The following ITFG1 variants were observed in gnomAD, a reference collection of about 807,000 sequenced individuals.
ITFG1 encodes T-cell immunomodulatory protein.
Under a neutral mutation model 81.8 loss-of-function variants are expected in ITFG1, and 34 were observed. That is an observed-to-expected ratio of 0.42 (90% CI 0.32 to 0.55). The LOEUF is 0.55. Among genes scored for constraint, ITFG1 ranks in the 20% least tolerant of loss-of-function variants. The pLI, the probability that ITFG1 is intolerant of heterozygous loss-of-function variation, is 0.17. For missense variants in ITFG1, 672 were observed against 755.4 expected (o/e 0.89, Z 1.29); for synonymous variants, 285 against 270.6 (o/e 1.05, Z -0.52).
intron 12 of ITFG1, among the ~76,000 whole-genome samples, chr16:47,245,919 A>AGGTGAATG (rs1218935760): frequency 6.6e-6 from 1 of 152,056 alleles, no homozygotes; most frequent in Non-Finnish European, 1.5e-5. Context: ...CTCTTTTGCA[A>AGGTGAATG]GACTATGTGG....
Position 47,235,659 on chromosome 16 carries a change from A to G in ITFG1, c.1374+2306T>C, listed in dbSNP as rs77010667. On this transcript the variant is annotated intron_variant, in intron 13 of 17. Coordinates refer to ENST00000320640, the MANE Select transcript of ITFG1 (RefSeq NM_030790.5). ...TGACAGAACACATAACCAGCAGAAGAGCTATTCAACTCATGAATTAACTCA... is the reference window on the plus strand; with the variant it reads ...TGACAGAACACATAACCAGCAGAAGGGCTATTCAACTCATGAATTAACTCA... 2.0e-3 allele frequency among the ~76,000 whole-genome samples: 309 copies of G among 152,338 alleles called. 8 individuals are homozygous for G. In the East Asian group the frequency reaches 0.05, roughly 25 times the overall value.
intron 12 of ITFG1, among the ~76,000 whole-genome samples, chr16:47,240,310 A>G (rs1237752058): frequency 6.6e-6 from 1 of 151,588 alleles, no homozygotes; most frequent in Non-Finnish European, 1.5e-5. Flanking sequence ...AAAAAAAAAA[A>G]AAAAAAAAGA....
intron 13 of ITFG1, among the ~76,000 whole-genome samples, chr16:47,222,894 G>C (rs1463471614): frequency 6.6e-6 from 1 of 152,192 alleles, no homozygotes; most frequent in African/African-American, 2.4e-5. Flanking sequence ...ATTTGGGGTG[G>C]AGAGTTCTGT....
At chr16:47,450,708 TA>T (rs1308439002) in intron 5 of ITFG1, among the ~76,000 whole-genome samples, 10 of 152,328 alleles carry the variant, frequency 6.6e-5, no homozygotes, top group African/African-American at 2.4e-4. Context: ...ACTCTTGAAC[TA>T]AACTTTACCT....
At chr16:47,289,402 T>C (rs1426603185) in intron 10 of ITFG1, among the ~76,000 whole-genome samples, 1 of 152,216 alleles carries the variant, frequency 6.6e-6, no homozygotes, top group Non-Finnish European at 1.5e-5. Context: ...TCCTAAATTT[T>C]CTGAAATACC....
chr16:47,261,904 C>A (rs1966212615), intron 10 of ITFG1, among the ~76,000 whole-genome samples: 1 of 152,144 alleles, frequency 6.6e-6, no homozygotes, highest in African/African-American at 2.4e-5. Flanking sequence ...AACTCCTGAG[C>A]TCAAGTGATC....
intron 5 of ITFG1, among the ~76,000 whole-genome samples, chr16:47,437,459 G>C (rs1476387207): frequency 7.0e-6 from 1 of 143,274 alleles, no homozygotes; most frequent in Non-Finnish European, 1.5e-5. Context: ...CAGAGTGAGA[G>C]TCCATCTCCT....
chr16:47,443,229 A>G (rs1969277898), intron 5 of ITFG1, among the ~76,000 whole-genome samples: 1 of 152,246 alleles, frequency 6.6e-6, no homozygotes, highest in Non-Finnish European at 1.5e-5. Context: ...AATGGTGATC[A>G]TTAAAAAGTC....
rs528853653 is a variant in ITFG1, at chr16:47,460,359, G to T, written c.208+479C>A. 3.9e-5 allele frequency among the ~76,000 whole-genome samples: 6 copies of T among 152,362 alleles called. No individual in the cohort carries two copies. In the South Asian group the frequency reaches 1.0e-3, roughly 26 times the overall value. ...AGAAAGGGGTGGGCGAATTAGGTAGGTGGGGAGGCAAGAAGAAGCCCCCTA... is the reference window on the plus strand; with the variant it reads ...AGAAAGGGGTGGGCGAATTAGGTAGTTGGGGAGGCAAGAAGAAGCCCCCTA... On this transcript the variant is annotated intron_variant, in intron 1 of 17. Coordinates refer to ENST00000320640, the MANE Select transcript of ITFG1 (RefSeq NM_030790.5).
rs778969721 is a variant in ITFG1, at chr16:47,451,346, T to G, written c.560+50A>C. The G allele has an allele frequency of 2.0e-5, 20 of 1,002,600 alleles. No individual in the cohort carries two copies. In the South Asian group the frequency reaches 2.7e-4, roughly 14 times the overall value. The allele number at this position is 1,002,600 out of a possible 1,614,324, so 62.1% of individuals were successfully genotyped here. ...GCTATTTTTTCTCCAATGGTTAAAG[T>G]AGAAGCAATATATACGATTAATTAC... On this transcript the variant is annotated intron_variant, in intron 5 of 17. Coordinates refer to ENST00000320640, the MANE Select transcript of ITFG1 (RefSeq NM_030790.5).
chr16:47,322,299 C>G (rs1248577440), intron 8 of ITFG1, among the ~76,000 whole-genome samples: 1 of 152,156 alleles, frequency 6.6e-6, no homozygotes, highest in Non-Finnish European at 1.5e-5. Flanking sequence ...AGAAAGTTAA[C>G]TAAATTAGCT....
rs553050650 is a variant in ITFG1 at position 47,322,495 on chromosome 16, C to T, written c.803-8672G>A. On this transcript the variant is annotated intron_variant, in intron 8 of 17. Coordinates refer to ENST00000320640, the MANE Select transcript of ITFG1 (RefSeq NM_030790.5). ...CCTGAGGTCAGGAGTTCGAGACCAGCCTGGCCAACATGGCAAAACCCCATC... is the reference window on the plus strand; with the variant it reads ...CCTGAGGTCAGGAGTTCGAGACCAGTCTGGCCAACATGGCAAAACCCCATC... Among the ~76,000 whole-genome samples, 11 of 152,232 alleles carry T rather than the reference C, an allele frequency of 7.2e-5. No individual in the cohort carries two copies. The East Asian group carries it at 1.9e-3, about 27-fold the overall frequency.
At chr16:47,294,138 G>C (rs1253359161) in intron 10 of ITFG1, among the ~76,000 whole-genome samples, 1 of 151,856 alleles carries the variant, frequency 6.6e-6, no homozygotes, top group Admixed American at 6.6e-5. Context: ...AGTGATTGTT[G>C]TTTTTGTCTT....
chr16:47,387,047 A>G (rs1261580630), intron 6 of ITFG1, among the ~76,000 whole-genome samples: 1 of 152,214 alleles, frequency 6.6e-6, no homozygotes, highest in African/African-American at 2.4e-5. Context: ...AAAGGAATCC[A>G]AACTTAATTA....
chr16:47,179,836 G>T (rs919683947), intron 14 of ITFG1, among the ~76,000 whole-genome samples: 8 of 152,142 alleles, frequency 5.3e-5, no homozygotes, highest in Non-Finnish European at 1.2e-4. Flanking sequence ...TTAGATTTTT[G>T]GAAGTTAGGA....
chr16:47,334,197 C>T (rs1320146955), intron 8 of ITFG1, among the ~76,000 whole-genome samples: 1 of 152,020 alleles, frequency 6.6e-6, no homozygotes, highest in Non-Finnish European at 1.5e-5. Flanking sequence ...ATCTGTAATC[C>T]CAGCACTTTG....
chr16:47,214,745 A>G (rs1479138419), intron 14 of ITFG1, among the ~76,000 whole-genome samples: 1 of 152,216 alleles, frequency 6.6e-6, no homozygotes, highest in Non-Finnish European at 1.5e-5. Flanking sequence ...CTAAGACTGC[A>G]GAGTAATGGG....
chr16:47,432,517 T>C (rs1279656021), intron 5 of ITFG1, among the ~76,000 whole-genome samples: 1 of 152,230 alleles, frequency 6.6e-6, no homozygotes, highest in Non-Finnish European at 1.5e-5. Context: ...CTTCTACACA[T>C]ATTTTAGCAC....
intron 2 of ITFG1, among the ~76,000 whole-genome samples, chr16:47,455,301 C>A (rs1258855631): frequency 6.6e-6 from 1 of 151,344 alleles, no homozygotes; most frequent in African/African-American, 2.4e-5. Flanking sequence ...AGAGCTAAAA[C>A]AAATAGCAAT....
Sources: gnomAD v4.1 joint callset for allele counts (sites outside exome capture counted in the v4.1 genomes callset) on GRCh38, gnomAD v4.1.1 for gene constraint, MANE v1.5 for transcripts, NCBI Gene and HGNC (gene_info 2026-07-23, HGNC 2026-07-21) for gene names.